Variants in DGKI observed in about 807,000 individuals in gnomAD.
The protein encoded by DGKI is diacylglycerol kinase iota, also known as DAG kinase iota.
DGKI carries 55 observed loss-of-function variants against 147.5 expected under a neutral mutation model. That is an observed-to-expected ratio of 0.37 (90% confidence interval 0.30 to 0.47). The LOEUF is 0.47. DGKI is among the 20% of genes least tolerant of loss of function. The probability of loss-of-function intolerance (pLI) is 1.00; values close to 1 mark genes in which losing one functional copy is unlikely to be tolerated. For missense variants in DGKI, 1,007 were observed against 1,323.8 expected (o/e 0.76, Z 3.71); for synonymous variants, 469 against 477.1 (o/e 0.98, Z 0.22).
chr7:137,461,090 C>G (rs1203500810), intron 27 of DGKI, among the ~76,000 whole-genome samples: 1 of 152,164 alleles, frequency 6.6e-6, no homozygotes, highest in Non-Finnish European at 1.5e-5. Flanking sequence ...TATTGTAGGA[C>G]TTTTCACTGT....
chr7:137,437,230 T>C (rs1476329044), intron 28 of DGKI, among the ~76,000 whole-genome samples: 1 of 152,200 alleles, frequency 6.6e-6, no homozygotes, highest in Non-Finnish European at 1.5e-5. Context: ...GTAGATGAGA[T>C]TGCCTATATA....
At chr7:137,503,262 T>A (rs767316514) in intron 21 of DGKI, among the ~76,000 whole-genome samples, 12 of 152,172 alleles carry the variant, frequency 7.9e-5, no homozygotes, top group Admixed American at 3.9e-4. Flanking sequence ...TATACAATTG[T>A]GAGCAGATGC....
chr7:137,754,949 A>G (rs1215369153), intron 1 of DGKI, among the ~76,000 whole-genome samples: 1 of 152,244 alleles, frequency 6.6e-6, no homozygotes, highest in Non-Finnish European at 1.5e-5. Flanking sequence ...AAGCTCAAAC[A>G]ACGCATACTT....
chr7:137,436,212 G>T (rs546057130), intron 28 of DGKI, among the ~76,000 whole-genome samples: 2 of 152,278 alleles, frequency 1.3e-5, no homozygotes, highest in African/African-American at 4.8e-5. Context: ...TTATTGACAG[G>T]AGATTGGAAC....
At chr7:137,665,946 C>T (rs1563140253) in intron 3 of DGKI, among the ~76,000 whole-genome samples, 1 of 152,156 alleles carries the variant, frequency 6.6e-6, no homozygotes, top group Non-Finnish European at 1.5e-5. Context: ...ATAGGAGAAA[C>T]AATTTGGTAA....
chr7:137,395,139 TG>T (rs1554395129), intron 32 of DGKI, among the ~76,000 whole-genome samples: 1 of 152,218 alleles, frequency 6.6e-6, no homozygotes, highest in Non-Finnish European at 1.5e-5. Flanking sequence ...CCTACCATCC[TG>T]GGAGCTGGGA....
intron 28 of DGKI, among the ~76,000 whole-genome samples, chr7:137,441,042 G>C (rs752528990): frequency 6.6e-6 from 1 of 152,144 alleles, no homozygotes; most frequent in East Asian, 1.9e-4. Flanking sequence ...ACATAATCCC[G>C]AGCAAACATC....
At chr7:137,751,266 AG>A (rs1454407970) in intron 1 of DGKI, among the ~76,000 whole-genome samples, 2 of 152,226 alleles carry the variant, frequency 1.3e-5, no homozygotes, top group Non-Finnish European at 2.9e-5. Context: ...TGGCTACAAA[AG>A]CCATTCTACC....
intron 27 of DGKI, among the ~76,000 whole-genome samples, chr7:137,451,495 G>A (rs1337711991): frequency 6.6e-6 from 1 of 152,106 alleles, no homozygotes; most frequent in Non-Finnish European, 1.5e-5. Flanking sequence ...CTAGTAGATC[G>A]ATTACAAGGC....
Position 137,572,749 on chromosome 7 carries a change from T to C in DGKI, c.1835+16A>G, listed in dbSNP as rs764358635. ...AGTTCACGTCAAACCAAGGAAACAA[T>C]ACAAACAGAGCCTACCTGGGTATAT... is the stretch of plus-strand genomic sequence containing the variant. On this transcript the variant is annotated intron_variant, in intron 18 of 32. Coordinates refer to ENST00000614521, the MANE Select transcript of DGKI (RefSeq NM_001321708.2). The C allele has an allele frequency of 3.2e-6, 5 of 1,565,062 alleles. No homozygotes were observed. In the South Asian group the frequency reaches 5.9e-5, roughly 18 times the overall value.
rs1811112410 is a variant in DGKI at position 137,383,717 on chromosome 7, G to T, written c.*7503C>A. ...AAAATAAATCCTTATAAGTAATAAA[G>T]CTAACTCCTTTTCATGTGTTACTGC... On this transcript the variant is annotated 3_prime_UTR_variant, in exon 33 of 33. Coordinates refer to ENST00000614521, the MANE Select transcript of DGKI (RefSeq NM_001321708.2). 6.6e-6 allele frequency: 1 copy of T among 151,962 alleles called. No individual in the cohort carries two copies. Among genetic ancestry groups the T allele is most frequent in the Non-Finnish European group, 1.5e-5 (1 of 67,924 alleles). 9.4% of individuals were successfully genotyped at this position (151,962 alleles called of 1,614,324 possible).
chr7:137,528,522 C>G (rs1817229182), intron 20 of DGKI, among the ~76,000 whole-genome samples: 1 of 152,084 alleles, frequency 6.6e-6, no homozygotes, highest in African/African-American at 2.4e-5. Flanking sequence ...GTTATTAATT[C>G]TTTTTTGATG....
At chr7:137,728,114 ATGTC>A (rs1794764146) in intron 1 of DGKI, among the ~76,000 whole-genome samples, 1 of 152,212 alleles carries the variant, frequency 6.6e-6, no homozygotes, top group African/African-American at 2.4e-5. Flanking sequence ...TTTCTGCAGA[ATGTC>A]TGGTCAATAA....
At chr7:137,675,405 C>G (rs1331752475) in intron 3 of DGKI, among the ~76,000 whole-genome samples, 1 of 139,246 alleles carries the variant, frequency 7.2e-6, no homozygotes, top group African/African-American at 3.3e-5. Flanking sequence ...AGACTCCCAG[C>G]CAGGTGTGGT....
intron 26 of DGKI, among the ~76,000 whole-genome samples, chr7:137,464,256 C>CAAAAAAAAAAA (rs58290482): frequency 2.1e-5 from 1 of 47,758 alleles, no homozygotes; most frequent in Non-Finnish European, 7.1e-5. Flanking sequence ...GACTCCATCT[C>CAAAAAAAAAAA]AAAAAAAAAA....
intron 1 of DGKI, among the ~76,000 whole-genome samples, chr7:137,836,029 G>A (rs1798371280): frequency 6.6e-6 from 1 of 152,106 alleles, no homozygotes; most frequent in Non-Finnish European, 1.5e-5. Context: ...TTATGTGAAA[G>A]GAGTTTATAA....
chr7:137,732,075 T>C (rs550570997), intron 1 of DGKI, among the ~76,000 whole-genome samples: 17 of 152,132 alleles, frequency 1.1e-4, no homozygotes, highest in Non-Finnish European at 2.2e-4. Context: ...ATCTGTAACA[T>C]GGATCTCTTT....
intron 27 of DGKI, among the ~76,000 whole-genome samples, 192 bp from the exon 28 acceptor site, chr7:137,444,294 T>C (rs1336980755): frequency 1.3e-5 from 2 of 152,320 alleles, no homozygotes; most frequent in African/African-American, 4.8e-5. Flanking sequence ...ATTGGTTGGA[T>C]GTTACAGGTT....
intron 1 of DGKI, among the ~76,000 whole-genome samples, chr7:137,814,605 C>T (rs369018398): frequency 6.6e-6 from 1 of 152,240 alleles, no homozygotes; most frequent in South Asian, 2.1e-4. Flanking sequence ...GGGTATTATA[C>T]CTCTTGAACA....
Sources: gnomAD v4.1 joint callset for allele counts (sites outside exome capture counted in the v4.1 genomes callset) on GRCh38, gnomAD v4.1.1 for gene constraint, MANE v1.5 for transcripts, NCBI Gene and HGNC (gene_info 2026-07-23, HGNC 2026-07-21) for gene names.